STX8: variants seen among roughly 807,000 people sequenced by gnomAD.
STX8 encodes syntaxin-8.
In STX8, 23 loss-of-function variants were observed where a neutral mutation model predicts 37.5. The observed-to-expected ratio is 0.61, with a 90% CI of 0.44 to 0.87. The LOEUF (loss-of-function observed/expected upper bound fraction) is 0.87, where lower values mean the gene tolerates loss of function less well. Ranked by LOEUF, STX8 falls within the 40% of genes least tolerant of loss-of-function variation. The pLI is 0.00. For missense variants in STX8, 313 were observed against 284.7 expected, an observed-to-expected ratio of 1.10 and a Z score of -0.71; for synonymous variants, 115 against 99.1, an observed-to-expected ratio of 1.16 and a Z score of -0.95.
chr17:9,538,415 T>C (rs1354772583), intron 4 of STX8, among the ~76,000 whole-genome samples: 1 of 152,230 alleles, frequency 6.6e-6, no homozygotes, highest in Admixed American at 6.5e-5. Context: ...ATCCTTCTTG[T>C]AAATCAACAT....
At chr17:9,555,101 G>C (rs1906914452) in intron 3 of STX8, 1 of 151,946 alleles carries the variant, frequency 6.6e-6, no homozygotes, top group Admixed American at 6.6e-5. Context: ...GATGTCTCCT[G>C]GTAAATTCTA....
At chr17:9,524,964 T>C (rs1025587977) in intron 4 of STX8, among the ~76,000 whole-genome samples, 4 of 151,952 alleles carry the variant, frequency 2.6e-5, no homozygotes, top group Non-Finnish European at 5.9e-5. Flanking sequence ...TGCACCACCA[T>C]GTCTGGCTAA....
intron 7 of STX8, among the ~76,000 whole-genome samples, chr17:9,369,152 G>T (rs1161360078): frequency 6.6e-6 from 1 of 152,176 alleles, no homozygotes; most frequent in Non-Finnish European, 1.5e-5. Context: ...CACTATCTGT[G>T]CTGGCATGGA....
intron 7 of STX8, among the ~76,000 whole-genome samples, chr17:9,297,532 T>C (rs943098560): frequency 6.6e-6 from 1 of 152,194 alleles, no homozygotes; most frequent in Non-Finnish European, 1.5e-5. Context: ...ACAAGCTGAA[T>C]AGAGGTCATC....
At chr17:9,497,926 C>A (rs1407289836) in intron 5 of STX8, among the ~76,000 whole-genome samples, 1 of 152,202 alleles carries the variant, frequency 6.6e-6, no homozygotes, top group African/African-American at 2.4e-5. Context: ...ACAGTCTCTG[C>A]TAGACAGAAA....
intron 6 of STX8, among the ~76,000 whole-genome samples, chr17:9,403,840 G>T (rs1182480420): frequency 2.0e-5 from 3 of 151,952 alleles, no homozygotes; most frequent in Non-Finnish European, 2.9e-5. Flanking sequence ...TAGAGACGGG[G>T]TTTCACCATG....
At chr17:9,273,857 C>A (rs1356754962) in intron 7 of STX8, among the ~76,000 whole-genome samples, 1 of 152,122 alleles carries the variant, frequency 6.6e-6, no homozygotes. Flanking sequence ...CTCAATGCAG[C>A]GGCTCTGTTG....
At chr17:9,525,590 C>T (rs1347763820) in intron 4 of STX8, among the ~76,000 whole-genome samples, 1 of 152,144 alleles carries the variant, frequency 6.6e-6, no homozygotes, top group Non-Finnish European at 1.5e-5. Context: ...TCATGATCTA[C>T]CCGCCTCAGC....
At chr17:9,401,257 C>T (rs1048539678) in intron 6 of STX8, among the ~76,000 whole-genome samples, 2 of 152,152 alleles carry the variant, frequency 1.3e-5, no homozygotes, top group African/African-American at 4.8e-5. Context: ...TGTATCTCAA[C>T]AAAACAGACT....
At chr17:9,290,924 G>A (rs1908290711) in intron 7 of STX8, among the ~76,000 whole-genome samples, 1 of 152,100 alleles carries the variant, frequency 6.6e-6, no homozygotes, top group Non-Finnish European at 1.5e-5. Context: ...ACAACCCTTT[G>A]GGGGTTTCCG....
At chr17:9,310,234 T>G (rs576171574) in intron 7 of STX8, among the ~76,000 whole-genome samples, 1 of 152,276 alleles carries the variant, frequency 6.6e-6, no homozygotes, top group South Asian at 2.1e-4. Flanking sequence ...TGGTGGAGAC[T>G]GTTAGTATCA....
At chr17:9,478,614 T>C (rs990471185) in intron 6 of STX8, among the ~76,000 whole-genome samples, 5 of 152,156 alleles carry the variant, frequency 3.3e-5, no homozygotes, top group African/African-American at 1.2e-4. Context: ...TATAAATACC[T>C]TATAGTTTTC....
intron 7 of STX8, among the ~76,000 whole-genome samples, chr17:9,251,905 T>C (rs191541719): frequency 1.8e-4 from 28 of 152,326 alleles, no homozygotes; most frequent in African/African-American, 6.5e-4. Flanking sequence ...GGCTCACACC[T>C]GTAATCCCAG....
chr17:9,373,724 G>A (rs1255545744), intron 7 of STX8, among the ~76,000 whole-genome samples: 1 of 152,124 alleles, frequency 6.6e-6, no homozygotes, highest in Non-Finnish European at 1.5e-5. Context: ...TGGATCACCC[G>A]AGGCTGGGAG....
intron 4 of STX8, among the ~76,000 whole-genome samples, chr17:9,544,513 A>AC (rs1688025618): frequency 6.6e-6 from 1 of 151,974 alleles, no homozygotes; most frequent in African/African-American, 2.4e-5. Context: ...TAAAAAAAAA[A>AC]ACAAAAAACT....
At chr17:9,271,748 CAAAAAAAAAA>C (rs71135959) in intron 7 of STX8, among the ~76,000 whole-genome samples, 2 of 63,468 alleles carry the variant, frequency 3.2e-5, no homozygotes, top group East Asian at 5.8e-4. Context: ...GACTCCATCT[CAAAAAAAAAA>C]AAAAAAAAAA....
chr17:9,262,770 C>T (rs1442778665), intron 7 of STX8, among the ~76,000 whole-genome samples: 1 of 151,986 alleles, frequency 6.6e-6, no homozygotes, highest in Admixed American at 6.6e-5. Context: ...TTAGTAGACA[C>T]AGGGTTTCAC....
chr17:9,506,128 C>T (rs989995368), intron 4 of STX8, among the ~76,000 whole-genome samples: 1 of 151,660 alleles, frequency 6.6e-6, no homozygotes, highest in Admixed American at 6.6e-5. Flanking sequence ...GTTGGTCTCG[C>T]TGTCTAAGGA....
intron 3 of STX8, chr17:9,552,665 T>G (rs1906812388): frequency 6.6e-6 from 1 of 151,622 alleles, no homozygotes; most frequent in South Asian, 2.1e-4. Context: ...TTTTTTTTTT[T>G]TTTTTGAGAC....
Sources: allele counts gnomAD v4.1 joint callset (sites outside exome capture counted in the v4.1 genomes callset), GRCh38; gene constraint gnomAD v4.1.1; transcripts MANE v1.5; gene names NCBI Gene and HGNC (gene_info 2026-07-23, HGNC 2026-07-21).